TAF8: variants seen among roughly 807,000 people sequenced by gnomAD.
TAF8 encodes the protein transcription initiation factor TFIID subunit 8.
Under a neutral mutation model 36.5 loss-of-function variants are expected in TAF8, and 47 were observed. The observed-to-expected ratio is 1.29, with a 90% CI of 1.02 to 1.64. The LOEUF is 1.64. TAF8 is among the 40% of genes most tolerant of loss of function. TAF8 has a pLI of 0.00. For missense variants in TAF8, 420 were observed against 407.6 expected (o/e 1.03, Z -0.26); for synonymous variants, 175 against 159.5 (o/e 1.10, Z -0.73).
intron 7 of TAF8, among the ~76,000 whole-genome samples, chr6:42,076,232 AC>A (rs1300705561): frequency 6.7e-6 from 1 of 149,126 alleles, no homozygotes; most frequent in African/African-American, 2.5e-5. Flanking sequence ...ACAGTAAAAA[AC>A]CCTGCCTCGG....
downstream of TAF8, among the ~76,000 whole-genome samples, chr6:42,084,094 T>A (rs992174969): frequency 1.6e-4 from 23 of 145,990 alleles, no homozygotes; most frequent in Non-Finnish European, 2.8e-4. Flanking sequence ...GGCAGGAGAA[T>A]GGCCTGAACC....
downstream of TAF8, among the ~76,000 whole-genome samples, chr6:42,084,291 A>G (rs1269881852): frequency 6.6e-6 from 1 of 151,668 alleles, no homozygotes; most frequent in African/African-American, 2.4e-5. Flanking sequence ...AACACGGTGT[A>G]TTTGGAACAA....
rs1419224939 is a variant in TAF8, at chr6:42,082,714, A to AT, written c.*5170dup. The AT allele has an allele frequency of 1.3e-5, 2 of 152,198 alleles. No individual in the cohort carries two copies. Among genetic ancestry groups the AT allele is most frequent in the Non-Finnish European group, 2.9e-5 (2 of 68,050 alleles). 9.4% of individuals were successfully genotyped at this position (152,198 alleles called of 1,614,324 possible). ...GAGGTCCATCTAGGTGGTTGTGTGTATCAGTAGTTCCTTTCTTTTTATTGC... is the reference window on the plus strand; with the variant it reads ...GAGGTCCATCTAGGTGGTTGTGTGTATTCAGTAGTTCCTTTCTTTTTATTGC... On this transcript the variant is annotated 3_prime_UTR_variant, in exon 9 of 9. Coordinates refer to ENST00000372977, the MANE Select transcript of TAF8 (RefSeq NM_138572.3).
chr6:42,076,838 T>G (rs1375554734), intron 7 of TAF8, among the ~76,000 whole-genome samples: 1 of 152,150 alleles, frequency 6.6e-6, no homozygotes, highest in East Asian at 1.9e-4. Flanking sequence ...TTCTAACCCC[T>G]GTCCCTGCCT....
chr6:42,051,457 G>T lies in TAF8; in HGVS notation c.146G>T (p.Gly49Val). 6.2e-7 allele frequency: 1 copy of T among 1,614,090 alleles called. No homozygotes were observed. The highest frequency in any genetic ancestry group is 8.5e-7 in the Non-Finnish European group (1 of 1,179,996). ...GTGAGCTCCTTGCTGACAGAGGCAG[G>T]GTTTGAGAGTGCCGAGAAAGCATCC... is the stretch of plus-strand genomic sequence containing the variant. Reference protein sequence around the residue: ...VVVSSLLTEAGFESAEKASVE... With the variant: ...VVVSSLLTEAVFESAEKASVE... The change falls in exon 2 of 9, where the codon GGG (glycine) becomes GTG (valine). Residue 49 changes from glycine to valine, a missense_variant. By Grantham distance (109) the Gly-to-Val change is moderately radical (BLOSUM62 -3). Transcript: ENST00000372977.
chr6:42,070,752 A>G (rs1765537136), intron 7 of TAF8, among the ~76,000 whole-genome samples: 1 of 152,168 alleles, frequency 6.6e-6, no homozygotes, highest in Non-Finnish European at 1.5e-5. Context: ...ACGTGTTTGT[A>G]TGCTGTTGGG....
At chr6:42,072,450 T>C (rs1765611536) in intron 7 of TAF8, among the ~76,000 whole-genome samples, 1 of 152,228 alleles carries the variant, frequency 6.6e-6, no homozygotes, top group Admixed American at 6.5e-5. Flanking sequence ...CTCACCAGCC[T>C]CTTATGTAGC....
In TAF8 at chr6:42,055,647, T is replaced by G; in HGVS notation, c.301+18T>G. The stretch of plus-strand genomic sequence containing the variant: ...TGAGATGGGTGAGTATACCTTCAGT[T>G]TCCAGTTCTTCGATGCAACTGGGAG... On this transcript the variant is annotated intron_variant, in intron 3 of 8. Coordinates refer to ENST00000372977, the MANE Select transcript of TAF8 (RefSeq NM_138572.3). The G allele has an allele frequency of 6.3e-7, 1 of 1,590,880 alleles. No individual in the cohort carries two copies.
chr6:42,057,998 G>T (rs537821440), intron 5 of TAF8, among the ~76,000 whole-genome samples: 3 of 152,202 alleles, frequency 2.0e-5, no homozygotes, highest in African/African-American at 7.2e-5. Context: ...GAGATTATAG[G>T]TCATTTTGTT....
At chr6:42,061,322 A>G (rs1765183859) in intron 5 of TAF8, among the ~76,000 whole-genome samples, 2 of 152,218 alleles carry the variant, frequency 1.3e-5, no homozygotes, top group Admixed American at 6.5e-5. Context: ...TACTAATAAT[A>G]TATTTATACA....
chr6:42,070,202 C>G (rs765759264), intron 7 of TAF8, among the ~76,000 whole-genome samples: 2 of 151,976 alleles, frequency 1.3e-5, no homozygotes, highest in African/African-American at 2.4e-5. Flanking sequence ...TGAAATAAAA[C>G]TAAAGGCCGG....
Position 42,077,250 on chromosome 6 carries a change from G to T in TAF8, c.920+11G>T. 1.9e-6 allele frequency: 3 copies of T among 1,610,390 alleles called. No individual in the cohort carries two copies. The highest frequency in any genetic ancestry group is 2.5e-6 in the Non-Finnish European group (3 of 1,177,286). ...GATCCGCAGGAAGAAGTGAGTTGGA[G>T]GCTGGGGTCCAGAGAGCCTTCACTG... On this transcript the variant is annotated intron_variant, in intron 8 of 8. Coordinates refer to ENST00000372977, the MANE Select transcript of TAF8 (RefSeq NM_138572.3).
At chr6:42,052,144 G>GC (rs1233184306) in intron 2 of TAF8, among the ~76,000 whole-genome samples, 2 of 152,298 alleles carry the variant, frequency 1.3e-5, no homozygotes, top group East Asian at 3.9e-4. Context: ...GTGAGTGTAA[G>GC]TGAGATGTAT....
At chr6:42,067,484 G>A (rs1765405975) in intron 6 of TAF8, among the ~76,000 whole-genome samples, 1 of 152,164 alleles carries the variant, frequency 6.6e-6, no homozygotes, top group Admixed American at 6.5e-5. Context: ...CAAAGTGCTG[G>A]GATTATAGGC....
chr6:42,064,456 T>G (rs961816093), intron 5 of TAF8, among the ~76,000 whole-genome samples: 1 of 152,094 alleles, frequency 6.6e-6, no homozygotes, highest in Non-Finnish European at 1.5e-5. Flanking sequence ...GGTGTTACCA[T>G]GTTGACCAGG....
chr6:42,059,680 G>A (rs1369595164), intron 5 of TAF8, among the ~76,000 whole-genome samples: 1 of 152,210 alleles, frequency 6.6e-6, no homozygotes, highest in Non-Finnish European at 1.5e-5. Flanking sequence ...TTGGGAAAAG[G>A]AGTGTCACTG....
In TAF8 at chr6:42,055,580, C is replaced by CAGG; in HGVS notation, c.254_256dup (p.Arg85dup). On this transcript the variant is annotated inframe_insertion, in exon 3 of 9. Coordinates refer to ENST00000372977, the MANE Select transcript of TAF8 (RefSeq NM_138572.3). ...CCAAGTCTTACTGTGAGCACACAGC[C>CAGG]AGGACCCAGCCCACACTGTCCGATA... 2 of 1,614,158 alleles carry CAGG rather than the reference C, an allele frequency of 1.2e-6. No homozygotes were observed. The highest frequency in any genetic ancestry group is 1.7e-6 in the Non-Finnish European group (2 of 1,180,010).
At chr6:42,069,089 TGAA>T (rs1007052435) in intron 7 of TAF8, among the ~76,000 whole-genome samples, 3 of 152,072 alleles carry the variant, frequency 2.0e-5, no homozygotes, top group African/African-American at 7.2e-5. Context: ...CCTGTTGTAT[TGAA>T]GAACAGCAAG....
chr6:42,055,900 G>T lies in TAF8; in HGVS notation c.302-52G>T, dbSNP rs1764968019. Reference sequence around the variant, plus strand: ...TGTCCATACTACTACTATTCTTTCTGTATTCAATATCCAGTGGTCTGGGCA... The same window carrying T: ...TGTCCATACTACTACTATTCTTTCTTTATTCAATATCCAGTGGTCTGGGCA... On this transcript the variant is annotated intron_variant, in intron 3 of 8. Coordinates refer to ENST00000372977, the MANE Select transcript of TAF8 (RefSeq NM_138572.3). 2.5e-6 allele frequency: 3 copies of T among 1,198,140 alleles called. No homozygotes were observed. The Admixed American group carries it at 5.1e-5, about 20-fold the overall frequency. The allele number at this position is 1,198,140 out of a possible 1,614,324, so 74.2% of individuals were successfully genotyped here.
Sources: allele counts gnomAD v4.1 joint callset (sites outside exome capture counted in the v4.1 genomes callset), GRCh38; gene constraint gnomAD v4.1.1; transcripts MANE v1.5; gene names NCBI Gene and HGNC (gene_info 2026-07-23, HGNC 2026-07-21).